Variants in NSD1 observed in about 807,000 individuals in gnomAD.
NSD1 encodes histone-lysine N-methyltransferase, H3 lysine-36 specific.
A neutral mutation model predicts 242.7 loss-of-function variants in NSD1; 26 were observed. That is an observed-to-expected ratio of 0.11 (90% CI 0.08 to 0.15). The LOEUF is 0.15. NSD1 is among the 10% of genes least tolerant of loss of function. The probability of loss-of-function intolerance (pLI) is 1.00; values close to 1 mark genes in which losing one functional copy is unlikely to be tolerated. For synonymous variants in NSD1, 1,106 were observed against 1,178.1 expected (o/e 0.94, Z 1.25); for missense variants, 2,495 against 3,272.8 (o/e 0.76, Z 5.80).
chr5:177,220,115 GTT>G (rs1390929961), intron 5 of NSD1, among the ~76,000 whole-genome samples: 1 of 152,062 alleles, frequency 6.6e-6, no homozygotes, highest in East Asian at 1.9e-4. Flanking sequence ...CTTCATTGTG[GTT>G]CTCTCCATTA....
intron 20 of NSD1, among the ~76,000 whole-genome samples, chr5:177,287,794 C>T (rs760868499): frequency 6.6e-6 from 1 of 152,224 alleles, no homozygotes. Flanking sequence ...TGAGCCTCAT[C>T]AGGCCGTGGA....
chr5:177,168,108 A>G (rs1190800374), intron 2 of NSD1, among the ~76,000 whole-genome samples: 2 of 152,216 alleles, frequency 1.3e-5, no homozygotes, highest in East Asian at 1.9e-4. Flanking sequence ...AAAAATTCCA[A>G]GTAATGAACT....
At chr5:177,160,394 A>T (rs1158172613) in intron 2 of NSD1, among the ~76,000 whole-genome samples, 1 of 151,656 alleles carries the variant, frequency 6.6e-6, no homozygotes, top group Non-Finnish European at 1.5e-5. Flanking sequence ...TCCACCTCCC[A>T]GGTTCAAGAG....
chr5:177,269,534 G>C lies in NSD1; in HGVS notation c.5304-68G>C. The stretch of plus-strand genomic sequence containing the variant: ...ACATTGCTAATCCTTACTTTTATAT[G>C]AGTAGGTTATTTTCCTAATGCCTTG... On this transcript the variant is annotated intron_variant, in intron 15 of 22. Transcript: ENST00000439151. This position sits in a 1 kb window ranked among gnomAD's most constrained non-coding sequence, Gnocchi z 5.1. The C allele has an allele frequency of 7.4e-7, 1 of 1,355,894 alleles. No homozygotes were observed. The highest frequency in any genetic ancestry group is 1.1e-6 in the Non-Finnish European group (1 of 950,612). 84.0% of individuals were successfully genotyped at this position (1,355,894 alleles called of 1,614,324 possible).
intron 2 of NSD1, among the ~76,000 whole-genome samples, chr5:177,145,720 C>T (rs1486962904): frequency 6.6e-6 from 1 of 151,766 alleles, no homozygotes; most frequent in Non-Finnish European, 1.5e-5. Flanking sequence ...ACCAGCCTGA[C>T]CAACATGGAG....
chr5:177,209,243 T>C (rs1383325487), intron 4 of NSD1, among the ~76,000 whole-genome samples: 1 of 151,846 alleles, frequency 6.6e-6, no homozygotes, highest in Non-Finnish European at 1.5e-5. Flanking sequence ...GCTTCTGATT[T>C]CAGGCCGGGT....
At chr5:177,274,602 T>C (rs577479304) in intron 17 of NSD1, among the ~76,000 whole-genome samples, 1 of 152,304 alleles carries the variant, frequency 6.6e-6, no homozygotes, top group South Asian at 2.1e-4. Flanking sequence ...TTACCCAGGT[T>C]GTTCTTGTAA....
At chr5:177,188,408 C>G (rs574930705) in intron 2 of NSD1, among the ~76,000 whole-genome samples, 1 of 152,062 alleles carries the variant, frequency 6.6e-6, no homozygotes, top group South Asian at 2.1e-4. Context: ...ATTTATTTTT[C>G]CAGTGGGTTT....
At chr5:177,145,469 A>C (rs1204403074) in intron 2 of NSD1, among the ~76,000 whole-genome samples, 1 of 152,082 alleles carries the variant, frequency 6.6e-6, no homozygotes, top group Non-Finnish European at 1.5e-5. Flanking sequence ...TATTTGGTAG[A>C]GACAGGGTCT....
chr5:177,282,757 A>G (rs772810941), intron 19 of NSD1, among the ~76,000 whole-genome samples, 176 bp downstream of exon 19: 7 of 152,174 alleles, frequency 4.6e-5, no homozygotes, highest in Admixed American at 2.6e-4. Flanking sequence ...CTGGGTATTC[A>G]TGGCCAGAGG....
rs578032201 is a variant in NSD1 at position 177,206,136 on chromosome 5, A to G, written c.1236+1844A>G. 1.6e-4 allele frequency among the ~76,000 whole-genome samples: 24 copies of G among 152,246 alleles called. No homozygotes were observed. In the South Asian group the frequency reaches 2.3e-3, roughly 14 times the overall value. ...TGCCTTAGCCTCCCAAATAGTTGGG[A>G]TTACAAGTGTATGCCACCACACCTG... On this transcript the variant is annotated intron_variant, in intron 4 of 22. Coordinates refer to ENST00000439151, the MANE Select transcript of NSD1 (RefSeq NM_022455.5).
At chr5:177,285,817 G>T (rs1231976174) in intron 20 of NSD1, among the ~76,000 whole-genome samples, 1 of 152,064 alleles carries the variant, frequency 6.6e-6, no homozygotes, top group Non-Finnish European at 1.5e-5. Flanking sequence ...AGTCACTGTT[G>T]TCCTCAGGAA....
intron 4 of NSD1, among the ~76,000 whole-genome samples, chr5:177,204,586 A>G (rs1459401843): frequency 1.3e-5 from 2 of 152,182 alleles, no homozygotes; most frequent in Non-Finnish European, 2.9e-5. Flanking sequence ...TCCTGAGCTC[A>G]AGCAGCTTCC....
At chr5:177,162,631 C>T (rs1414557175) in intron 2 of NSD1, among the ~76,000 whole-genome samples, 5 of 152,164 alleles carry the variant, frequency 3.3e-5, no homozygotes, top group Admixed American at 3.3e-4. Context: ...ATCCGCCCAC[C>T]TTGGCCTCCC....
intron 2 of NSD1, among the ~76,000 whole-genome samples, chr5:177,170,641 C>T (rs1183212884): frequency 2.0e-5 from 3 of 152,238 alleles, no homozygotes; most frequent in Admixed American, 6.5e-5. Context: ...GCGTGAGCCA[C>T]TGCGCCTGGC....
intron 5 of NSD1, among the ~76,000 whole-genome samples, chr5:177,224,080 G>A (rs1294417954): frequency 6.6e-6 from 1 of 152,184 alleles, no homozygotes; most frequent in African/African-American, 2.4e-5. Context: ...ATTTTACTGT[G>A]TTTCTGAAAT....
rs1459854388 is a variant in NSD1, at chr5:177,290,107, CGT to C, written c.6258+1184_6258+1185del. Among the ~76,000 whole-genome samples the C allele has an allele frequency of 3.3e-5, 5 of 151,338 alleles. No individual in the cohort carries two copies. The East Asian group carries it at 9.7e-4, about 29-fold the overall frequency. ...CCTCCCAAAGTGCTGGGATTACAGG[CGT>C]GAGCCACTGTGCCCGGCCCTTATAT... On this transcript the variant is annotated intron_variant, in intron 21 of 22. Coordinates refer to ENST00000439151, the MANE Select transcript of NSD1 (RefSeq NM_022455.5).
rs747103756 is a variant in NSD1 at position 177,211,416 on chromosome 5, C to T, written c.3017C>T (p.Pro1006Leu). The T allele has an allele frequency of 4.3e-6, 7 of 1,614,042 alleles. No homozygotes were observed. In the South Asian group the frequency reaches 5.5e-5, roughly 13 times the overall value. The part of the protein sequence containing the change: ...PGLLSDKRDL[P>L]ASGKSRSDCV... Reference sequence around the variant, plus strand: ...TTACTGTCCGACAAGAGAGACCTCCCTGCTTCTGGTAAAAGTCGTTCAGAC... The same window carrying T: ...TTACTGTCCGACAAGAGAGACCTCCTTGCTTCTGGTAAAAGTCGTTCAGAC... The change falls in exon 5 of 23, where the codon CCT (proline) becomes CTT (leucine). Residue 1006 changes from proline (P) to leucine (L), a missense_variant. Physicochemically the swap from Pro to Leu is moderately conservative, Grantham distance 98. Transcript: ENST00000439151.
intron 3 of NSD1, among the ~76,000 whole-genome samples, chr5:177,193,566 T>C (rs1761869782): frequency 1.3e-5 from 2 of 151,436 alleles, no homozygotes; most frequent in African/African-American, 2.4e-5. Flanking sequence ...TGTGAGCCAC[T>C]GCACCTGGCC....
Sources: gnomAD v4.1 joint callset for allele counts (sites outside exome capture counted in the v4.1 genomes callset) on GRCh38, gnomAD v4.1.1 for gene constraint, Gnocchi (gnomAD v3.1) non-coding constraint, MANE v1.5 for transcripts, NCBI Gene and HGNC (gene_info 2026-07-23, HGNC 2026-07-21) for gene names.